The following CDKN2AIP variants were observed in gnomAD, a reference collection of about 807,000 sequenced individuals.
CDKN2AIP encodes CDKN2A-interacting protein.
In CDKN2AIP, 12 loss-of-function variants were observed where a neutral mutation model predicts 44.1. The observed-to-expected ratio is 0.27, with a 90% CI of 0.17 to 0.44. CDKN2AIP has a LOEUF of 0.44. CDKN2AIP is among the 20% of genes least tolerant of loss of function. CDKN2AIP has a pLI of 1.00. For synonymous variants in CDKN2AIP, 291 were observed against 272.1 expected, an observed-to-expected ratio of 1.07 and a Z score of -0.68; for missense variants, 705 against 681.6, an observed-to-expected ratio of 1.03 and a Z score of -0.38.
rs568592187 is a variant in CDKN2AIP, at chr4:183,445,172, G to A, written c.272+103G>A. The A allele has an allele frequency of 2.8e-5, 40 of 1,407,892 alleles. No homozygotes were observed. In the African/African-American group the frequency reaches 5.5e-4, roughly 19 times the overall value. The allele number at this position is 1,407,892 out of a possible 1,614,324, so 87.2% of individuals were successfully genotyped here. Reference sequence around the variant, plus strand: ...GGACCGGCCTCGGCGGGGAGGGGAAGTTGTGAAGCGCGGGAATCCGCCGGC... The same window carrying A: ...GGACCGGCCTCGGCGGGGAGGGGAAATTGTGAAGCGCGGGAATCCGCCGGC... On this transcript the variant is annotated intron_variant, in intron 1 of 2. Transcript: ENST00000504169.
At position 183,444,651 on chromosome 4, in the gene CDKN2AIP, G is replaced by A. The variant is rs1008182762; in HGVS notation, c.-147G>A. ...GGTGGGCGGAAGTGGGCGGTTCGGC[G>A]GCTCTGGGCGCTGTTGTTTGGTCTT... On this transcript the variant is annotated 5_prime_UTR_variant, in exon 1 of 3. Transcript: ENST00000504169. 1.6e-5 allele frequency: 11 copies of A among 670,478 alleles called. No homozygotes were observed. Among genetic ancestry groups the A allele is most frequent in the South Asian group, 3.0e-5 (1 of 33,512 alleles). The allele number at this position is 670,478 out of a possible 1,614,324, so 41.5% of individuals were successfully genotyped here. A position where few individuals can be genotyped will look rare whatever the true frequency, so the allele number is the denominator to read the frequency against.
chr4:183,444,915 C>T lies in CDKN2AIP; in HGVS notation c.118C>T (p.Leu40Phe). ...KHWRHRRDFLLRNAGDLAPAG... is the reference protein window; with the variant it reads ...KHWRHRRDFLFRNAGDLAPAG... ...CTGGCGCCACCGCCGGGATTTTTTG[C>T]TTCGCAACGCCGGGGACCTGGCCCC... Residue 40 changes from leucine to phenylalanine, a missense_variant, in exon 1 of 3, where the codon CTT (leucine) becomes TTT (phenylalanine). Coordinates refer to ENST00000504169, the MANE Select transcript of CDKN2AIP (RefSeq NM_017632.4). 1 of 1,610,416 alleles carries T rather than the reference C, an allele frequency of 6.2e-7. No homozygotes were observed. Among genetic ancestry groups the T allele is most frequent in the Non-Finnish European group, 8.5e-7 (1 of 1,178,664 alleles).
rs975054229 is a variant in CDKN2AIP at position 183,447,732 on chromosome 4, G to A, written c.*305G>A. On this transcript the variant is annotated 3_prime_UTR_variant, in exon 3 of 3. Coordinates refer to ENST00000504169, the MANE Select transcript of CDKN2AIP (RefSeq NM_017632.4). The stretch of plus-strand genomic sequence containing the variant: ...AGTTCGGTAGAGTCCTAAAATTTTT[G>A]TACTACTTTCAATTTGGTGAAAATG... 5.1e-6 allele frequency: 1 copy of A among 195,780 alleles called. No individual in the cohort carries two copies. The highest frequency in any genetic ancestry group is 1.1e-4 in the East Asian group (1 of 8,896). 12.1% of individuals were successfully genotyped at this position (195,780 alleles called of 1,614,324 possible).
At position 183,444,939 on chromosome 4, in the gene CDKN2AIP, C is replaced by T. The variant is rs750904455; in HGVS notation, c.142C>T (p.Pro48Ser). 4.3e-6 allele frequency: 7 copies of T among 1,611,374 alleles called. No individual in the cohort carries two copies. Among genetic ancestry groups the T allele is most frequent in the South Asian group, 2.2e-5 (2 of 91,018 alleles). The change falls in exon 1 of 3, where the codon CCC (proline) becomes TCC (serine). Residue 48 changes from proline (P) to serine (S), a missense_variant. Pro to Ser is a moderately conservative substitution (Grantham distance 74, BLOSUM62 -1). Transcript: ENST00000504169. ...GCTTCGCAACGCCGGGGACCTGGCC[C>T]CCGCTGGCGGCGCTGCCTCCGCTAG... ...FLLRNAGDLA[P>S]AGGAASASTD...
At position 183,444,724 on chromosome 4, in the gene CDKN2AIP, A is replaced by G. The variant is rs1469849174; in HGVS notation, c.-74A>G. The G allele has an allele frequency of 2.1e-6, 3 of 1,410,816 alleles. No individual in the cohort carries two copies. The highest frequency in any genetic ancestry group is 2.8e-6 in the Non-Finnish European group (3 of 1,068,364). The allele number at this position is 1,410,816 out of a possible 1,614,324, so 87.4% of individuals were successfully genotyped here. A position where few individuals can be genotyped will look rare whatever the true frequency, so the allele number is the denominator to read the frequency against. On this transcript the variant is annotated 5_prime_UTR_variant, in exon 1 of 3. Transcript: ENST00000504169. ...CTGGAGGGCCGCGGGTGCAGGCCGC[A>G]GTGACAGGGCCGCTCGCCCCGCTAG...
Position 183,446,610 on chromosome 4 carries a change from A to G in CDKN2AIP, c.926A>G (p.Lys309Arg). The change falls in exon 3 of 3, where the codon AAA becomes AGA. Residue 309 changes from lysine to arginine, a missense_variant. Coordinates refer to ENST00000504169, the MANE Select transcript of CDKN2AIP (RefSeq NM_017632.4). ...GTAGAATTGCCACTATTGTCTTCCA[A>G]ACCTAGTTCAGAGACAGCTTCAAGT... is the stretch of plus-strand genomic sequence containing the variant. ...SEVELPLLSS[K>R]PSSETASSGL... 6.2e-7 allele frequency: 1 copy of G among 1,614,128 alleles called. No individual in the cohort carries two copies. Among genetic ancestry groups the G allele is most frequent in the Non-Finnish European group, 8.5e-7 (1 of 1,179,954 alleles).
At position 183,446,143 on chromosome 4, in the gene CDKN2AIP, A is replaced by C; in HGVS notation, c.459A>C (p.Ala153=). ...KRVIEGKNSS[A]VEQDHAKTSA... is the part of the protein sequence containing the mutation. ...TTATAGAAGGAAAAAACAGTTCTGC[A>C]GTTGAGCAAGATCACGCAAAAACCT... Residue 153 remains alanine, a synonymous_variant, in exon 3 of 3, where the codon GCA becomes GCC. Transcript: ENST00000504169. 1.2e-6 allele frequency: 2 copies of C among 1,613,888 alleles called. No individual in the cohort carries two copies. The highest frequency in any genetic ancestry group is 1.7e-6 in the Non-Finnish European group (2 of 1,179,808).
chr4:183,446,974 T>A lies in CDKN2AIP; in HGVS notation c.1290T>A (p.Asn430Lys), dbSNP rs776319496. The change falls in exon 3 of 3, where the codon AAT (asparagine) becomes AAA (lysine). Residue 430 changes from asparagine to lysine, a missense_variant. Physicochemically the swap from Asn to Lys is moderately conservative, Grantham distance 94 (BLOSUM62 0). Around this residue, in one of 2 missense-constraint regions of CDKN2AIP, gnomAD observed 592 missense variants for 518.0 expected, o/e 1.14. Transcript: ENST00000504169. ...TCAAATTCTCTTGCAAGTTAACCAA[T>A]GAAGATGTGAAACAGAAGCAACCTT... ...SSVKFSCKLT[N>K]EDVKQKQPFF... 1 of 1,614,180 alleles carries A rather than the reference T, an allele frequency of 6.2e-7. No individual in the cohort carries two copies. Among genetic ancestry groups the A allele is most frequent in the South Asian group, 1.1e-5 (1 of 91,086 alleles).
At position 183,446,813 on chromosome 4, in the gene CDKN2AIP, T is replaced by G. The variant is rs1187124173; in HGVS notation, c.1129T>G (p.Ser377Ala). 6.2e-7 allele frequency: 1 copy of G among 1,614,062 alleles called. No individual in the cohort carries two copies. The highest frequency in any genetic ancestry group is 8.5e-7 in the Non-Finnish European group (1 of 1,180,042). ...ATCACTACTAGCTTCCAAGAGCAGC[T>G]CCCAGACCAGTGGATCTCTGGTTTC... ...AASLLASKSS[S>A]QTSGSLVSKS... Residue 377 changes from serine to alanine, a missense_variant, in exon 3 of 3, where the codon TCC becomes GCC. Around this residue, in one of 2 missense-constraint regions of CDKN2AIP, gnomAD observed 592 missense variants for 518.0 expected, o/e 1.14. Transcript: ENST00000504169.
At chr4:183,445,157 C>T (rs531774690) in intron 1 of CDKN2AIP, 88 bp downstream of exon 1, 817 of 1,464,934 alleles carry the variant, frequency 5.6e-4, no homozygotes, top group Non-Finnish European at 6.7e-4. Context: ...GGACCGGCCT[C>T]GGCGGGGAGG....
Position 183,446,627 on chromosome 4 carries a change from G to T in CDKN2AIP, c.943G>T (p.Ala315Ser), listed in dbSNP as rs199929428. The T allele has an allele frequency of 3.6e-5, 58 of 1,613,946 alleles. 2 individuals are homozygous for T. In the Admixed American group the frequency reaches 4.3e-4, roughly 12 times the overall value. ...LLSSKPSSET[A>S]SSGLTSKTSS... ...GTCTTCCAAACCTAGTTCAGAGACAGCTTCAAGTGGGTTAACTTCCAAAAC... is the reference window on the plus strand; with the variant it reads ...GTCTTCCAAACCTAGTTCAGAGACATCTTCAAGTGGGTTAACTTCCAAAAC... Residue 315 changes from alanine (A) to serine (S), a missense_variant, in exon 3 of 3, where the codon GCT (alanine) becomes TCT (serine). Physicochemically the swap from Ala to Ser is moderately conservative, Grantham distance 99. Transcript: ENST00000504169.
At position 183,448,680 on chromosome 4, in the gene CDKN2AIP, C is replaced by T. The variant is rs1011529811; in HGVS notation, c.*1253C>T. Among the ~76,000 whole-genome samples, 15 of 151,908 alleles carry T rather than the reference C, an allele frequency of 9.9e-5. No homozygotes were observed. The highest frequency in any genetic ancestry group is 8.8e-5 in the Non-Finnish European group (6 of 67,968). On this transcript the variant is annotated 3_prime_UTR_variant, in exon 3 of 3. Coordinates refer to ENST00000504169, the MANE Select transcript of CDKN2AIP (RefSeq NM_017632.4). The stretch of plus-strand genomic sequence containing the variant: ...AGAGAAAAGAAAGACCTTTCATGGG[C>T]CAGTTGTGTTGGAATAGGAAAATCA...
At position 183,445,525 on chromosome 4, in the gene CDKN2AIP, T is replaced by C. The variant is rs1733648155; in HGVS notation, c.273-10T>C. ...ACACTTTTTAAAAATGACTTTTCCT[T>C]CTTTTTCAGATACCCTCAAAAAGTT... is the stretch of plus-strand genomic sequence containing the variant. On this transcript the variant is annotated splice_polypyrimidine_tract_variant and intron_variant, in intron 1 of 2. Coordinates refer to ENST00000504169, the MANE Select transcript of CDKN2AIP (RefSeq NM_017632.4). 8.1e-6 allele frequency: 13 copies of C among 1,607,732 alleles called. No individual in the cohort carries two copies. Among genetic ancestry groups the C allele is most frequent in the South Asian group, 1.1e-5 (1 of 90,922 alleles).
chr4:183,445,766 T>A, intron 2 of CDKN2AIP, 101 bp downstream of exon 2: 1 of 932,486 alleles, frequency 1.1e-6, no homozygotes, highest in Admixed American at 2.2e-5. Flanking sequence ...CCAGAATTTT[T>A]ATGTTATTAA....
In CDKN2AIP at chr4:183,448,342, T is replaced by C. The variant is rs190053990; in HGVS notation, c.*915T>C. On this transcript the variant is annotated 3_prime_UTR_variant, in exon 3 of 3. Coordinates refer to ENST00000504169, the MANE Select transcript of CDKN2AIP (RefSeq NM_017632.4). ...TTTACAGCAATCCCCTGAGCCAGAATAGATTAAAAGCGATTCCCTTCAATT... is the reference window on the plus strand; with the variant it reads ...TTTACAGCAATCCCCTGAGCCAGAACAGATTAAAAGCGATTCCCTTCAATT... 9.2e-5 allele frequency: 14 copies of C among 152,240 alleles called. No homozygotes were observed. Among genetic ancestry groups the C allele is most frequent in the Non-Finnish European group, 1.6e-4 (11 of 67,980 alleles). The allele number at this position is 152,240 out of a possible 1,614,324, so 9.4% of individuals were successfully genotyped here. A position where few individuals can be genotyped will look rare whatever the true frequency, so the allele number is the denominator to read the frequency against.
Position 183,444,950 on chromosome 4 carries a change from CGCTGCCTCCGCTAGCACGGATGAA to C in CDKN2AIP, c.160_183del (p.Ser54_Ala61del). 2 of 1,611,330 alleles carry C rather than the reference CGCTGCCTCCGCTAGCACGGATGAA, an allele frequency of 1.2e-6. No individual in the cohort carries two copies. Among genetic ancestry groups the C allele is most frequent in the Non-Finnish European group, 1.7e-6 (2 of 1,178,886 alleles). ...CCGGGGACCTGGCCCCCGCTGGCGG[CGCTGCCTCCGCTAGCACGGATGAA>C]GCTGCCGACGCCGAGAGCGGGACCC... On this transcript the variant is annotated inframe_deletion, in exon 1 of 3. Transcript: ENST00000504169.
At chr4:183,445,262 G>A in intron 1 of CDKN2AIP, 193 bp downstream of exon 1, 1 of 693,980 alleles carries the variant, frequency 1.4e-6, no homozygotes, top group Non-Finnish European at 2.4e-6. Flanking sequence ...CCGGACGTCT[G>A]TGTGCCCGGT....
chr4:183,445,616 A>G lies in CDKN2AIP; in HGVS notation c.354A>G (p.Arg118=). ...KVTDAPTYTT[R]DELVAKVKKR... ...CAGATGCTCCAACCTATACAACAAG[A>G]GATGAACTGGTTGCCAAGGTGAAGA... Residue 118 remains arginine (R), a synonymous_variant, in exon 2 of 3, where the codon AGA becomes AGG. Transcript: ENST00000504169. 1 of 1,609,756 alleles carries G rather than the reference A, an allele frequency of 6.2e-7. No homozygotes were observed. Among genetic ancestry groups the G allele is most frequent in the Non-Finnish European group, 8.5e-7 (1 of 1,175,958 alleles).
intron 1 of CDKN2AIP, 86 bp from the exon 2 acceptor site, chr4:183,445,449 G>A: frequency 9.6e-7 from 1 of 1,043,814 alleles, no homozygotes; most frequent in Non-Finnish European, 1.4e-6. Context: ...TTGCAGCCAG[G>A]AAATGCAGTC....
Sources: allele counts gnomAD v4.1 joint callset (sites outside exome capture counted in the v4.1 genomes callset), GRCh38; gene constraint gnomAD v4.1.1; regional missense constraint gnomAD v4.1.1; transcripts MANE v1.5; gene names NCBI Gene and HGNC (gene_info 2026-07-23, HGNC 2026-07-21).